Variants in KCND2 observed in about 807,000 individuals in gnomAD.
KCND2 encodes A-type voltage-gated potassium channel KCND2.
KCND2 carries 16 observed loss-of-function variants against 54.4 expected under a neutral mutation model. That is an observed-to-expected ratio of 0.29 (90% CI 0.20 to 0.45). The LOEUF (loss-of-function observed/expected upper bound fraction) is 0.45, where lower values mean the gene tolerates loss of function less well. Among genes scored for constraint, KCND2 ranks in the 20% least tolerant of loss-of-function variants. The pLI is 1.00. For synonymous variants in KCND2, 317 were observed against 310.7 expected (o/e 1.02, Z -0.21); for missense variants, 486 against 824.2 (o/e 0.59, Z 5.02).
intron 1 of KCND2, among the ~76,000 whole-genome samples, chr7:120,726,348 T>C (rs1280273569): frequency 3.9e-5 from 6 of 152,194 alleles, no homozygotes; most frequent in Non-Finnish European, 8.8e-5. Flanking sequence ...GGTCATTTGC[T>C]ATTTGCAAAC....
chr7:120,689,070 T>C (rs949456249), intron 1 of KCND2, among the ~76,000 whole-genome samples: 1 of 152,172 alleles, frequency 6.6e-6, no homozygotes, highest in South Asian at 2.1e-4. Flanking sequence ...AGCCTTATCA[T>C]GGCTATAATA....
chr7:120,509,959 C>G (rs1370455644), intron 1 of KCND2, among the ~76,000 whole-genome samples: 3 of 152,076 alleles, frequency 2.0e-5, no homozygotes, highest in African/African-American at 4.8e-5. Context: ...CAAATACTCT[C>G]TCTACATCAT....
chr7:120,659,312 T>G (rs1405351211), intron 1 of KCND2, among the ~76,000 whole-genome samples: 3 of 151,826 alleles, frequency 2.0e-5, no homozygotes, highest in Non-Finnish European at 4.4e-5. Context: ...ACAATAGGAC[T>G]AAAGAGGGGA....
intron 1 of KCND2, among the ~76,000 whole-genome samples, chr7:120,699,196 G>T (rs1792369825): frequency 6.6e-6 from 1 of 151,870 alleles, no homozygotes; most frequent in South Asian, 2.1e-4. Flanking sequence ...GCAGGAGAAT[G>T]GTGTGAATCT....
chr7:120,658,960 C>T (rs1026840139), intron 1 of KCND2, among the ~76,000 whole-genome samples: 1 of 152,172 alleles, frequency 6.6e-6, no homozygotes, highest in Non-Finnish European at 1.5e-5. Flanking sequence ...CAAACTTAAA[C>T]ACCTAGGAGA....
intron 1 of KCND2, among the ~76,000 whole-genome samples, chr7:120,327,323 A>G (rs1228034534): frequency 1.6e-4 from 24 of 152,098 alleles, no homozygotes; most frequent in Admixed American, 1.6e-3. Flanking sequence ...GTTTTCACAC[A>G]CAAACTTAGG....
At chr7:120,726,769 G>A (rs1284591629) in intron 1 of KCND2, among the ~76,000 whole-genome samples, 1 of 152,096 alleles carries the variant, frequency 6.6e-6, no homozygotes, top group Non-Finnish European at 1.5e-5. Flanking sequence ...TTTTGAACCA[G>A]CAACTGCCCT....
chr7:120,497,123 AT>A (rs1431000933), intron 1 of KCND2, among the ~76,000 whole-genome samples: 1 of 152,216 alleles, frequency 6.6e-6, no homozygotes, highest in African/African-American at 2.4e-5. Context: ...GTAATTAATC[AT>A]TTCCTTTTTT....
chr7:120,482,420 A>G (rs1802619340), intron 1 of KCND2, among the ~76,000 whole-genome samples: 1 of 152,160 alleles, frequency 6.6e-6, no homozygotes, highest in Non-Finnish European at 1.5e-5. Flanking sequence ...TTGGGATGGA[A>G]TGAATGTATT....
intron 1 of KCND2, among the ~76,000 whole-genome samples, chr7:120,334,640 A>G (rs1462067994): frequency 6.6e-6 from 1 of 152,198 alleles, no homozygotes; most frequent in Non-Finnish European, 1.5e-5. Flanking sequence ...TCTAAGCATC[A>G]TAGATGGTAT....
At chr7:120,349,997 G>C (rs1314932546) in intron 1 of KCND2, among the ~76,000 whole-genome samples, 1 of 151,868 alleles carries the variant, frequency 6.6e-6, no homozygotes, top group Non-Finnish European at 1.5e-5. Flanking sequence ...TATAATAAAT[G>C]AATGTGTCTA....
intron 1 of KCND2, among the ~76,000 whole-genome samples, chr7:120,544,568 A>T (rs1296752989): frequency 1.3e-5 from 2 of 151,958 alleles, no homozygotes; most frequent in East Asian, 3.8e-4. Context: ...ATTATTATTA[A>T]CCTAAAATTA....
rs943068995 is a variant in KCND2 at position 120,602,561 on chromosome 7, A to G, written c.1116-130342A>G. On this transcript the variant is annotated intron_variant, in intron 1 of 5. Coordinates refer to ENST00000331113, the MANE Select transcript of KCND2 (RefSeq NM_012281.3). ...AGGACACCCCCTTTCAACTACAGCA[A>G]TAAAACTAAAATGTTTTATAGTATT... 2.0e-5 allele frequency among the ~76,000 whole-genome samples: 3 copies of G among 152,246 alleles called. 1 individual carries two copies. The South Asian group carries it at 6.2e-4, about 31-fold the overall frequency.
intron 1 of KCND2, among the ~76,000 whole-genome samples, chr7:120,643,569 A>T (rs543480489): frequency 5.9e-5 from 9 of 152,222 alleles, no homozygotes; most frequent in Non-Finnish European, 1.2e-4. Context: ...ATACAAATGA[A>T]TGACTTTGGG....
At chr7:120,487,221 T>A (rs1185188286) in intron 1 of KCND2, among the ~76,000 whole-genome samples, 1 of 152,148 alleles carries the variant, frequency 6.6e-6, no homozygotes, top group Non-Finnish European at 1.5e-5. Context: ...ATAATGTTCT[T>A]TAAGTAAAGA....
intron 1 of KCND2, among the ~76,000 whole-genome samples, chr7:120,512,433 A>G (rs1803130280): frequency 1.3e-5 from 2 of 151,998 alleles, no homozygotes; most frequent in East Asian, 1.9e-4. Context: ...AAAAAAAGTC[A>G]TTGAAGCTAT....
At chr7:120,370,354 TG>T (rs1028299108) in intron 1 of KCND2, among the ~76,000 whole-genome samples, 1 of 151,928 alleles carries the variant, frequency 6.6e-6, no homozygotes, top group African/African-American at 2.4e-5. Flanking sequence ...CTGAGATAAA[TG>T]GGAAGCTACT....
chr7:120,418,447 A>C (rs1801556290), intron 1 of KCND2, among the ~76,000 whole-genome samples: 1 of 147,398 alleles, frequency 6.8e-6, no homozygotes, highest in Non-Finnish European at 1.5e-5. Context: ...TACTTTCAGC[A>C]ACCAAACTGC....
chr7:120,568,389 A>C (rs1792324317), intron 1 of KCND2, among the ~76,000 whole-genome samples: 1 of 152,130 alleles, frequency 6.6e-6, no homozygotes, highest in African/African-American at 2.4e-5. Context: ...AAGACCAATC[A>C]AGAAAAAAAT....
Sources: gnomAD v4.1 joint callset for allele counts (sites outside exome capture counted in the v4.1 genomes callset) on GRCh38, gnomAD v4.1.1 for gene constraint, MANE v1.5 for transcripts, NCBI Gene and HGNC (gene_info 2026-07-23, HGNC 2026-07-21) for gene names.